FBXW7: variants seen among roughly 807,000 people sequenced by gnomAD.
FBXW7 encodes F-box/WD repeat-containing protein 7.
FBXW7 carries 11 observed loss-of-function variants against 86.3 expected under a neutral mutation model. The ratio of observed to expected loss-of-function variants is 0.13; its 90% CI spans 0.08 to 0.21. The LOEUF is 0.21. FBXW7 is among the 10% of genes least tolerant of loss of function. The probability of loss-of-function intolerance (pLI) is 1.00; values close to 1 mark genes in which losing one functional copy is unlikely to be tolerated. For synonymous variants in FBXW7, 313 were observed against 297.9 expected (o/e 1.05, Z -0.52); for missense variants, 488 against 847.4 (o/e 0.58, Z 5.27).
At position 152,535,672 on chromosome 4, in the gene FBXW7, C is replaced by G; in HGVS notation, c.-758G>C. ...GTCGCTGCGGCTGGGACCCCCCTCC[C>G]TACACCTTGGGGGTCTCGCCCCACG... On this transcript the variant is annotated 5_prime_UTR_variant, in exon 1 of 14. Coordinates refer to ENST00000281708, the MANE Select transcript of FBXW7 (RefSeq NM_001349798.2). 5.0e-6 allele frequency: 2 copies of G among 396,512 alleles called. No homozygotes were observed. The highest frequency in any genetic ancestry group is 8.9e-6 in the Non-Finnish European group (2 of 224,588). The allele number at this position is 396,512 out of a possible 1,614,324, so 24.6% of individuals were successfully genotyped here. A position where few individuals can be genotyped will look rare whatever the true frequency, so the allele number is the denominator to read the frequency against.
At chr4:152,427,739 T>C (rs1292021668) in intron 2 of FBXW7, among the ~76,000 whole-genome samples, 1 of 152,246 alleles carries the variant, frequency 6.6e-6, no homozygotes, top group Non-Finnish European at 1.5e-5. Context: ...GTGAGTTCTA[T>C]CTGTTGAGAC....
At chr4:152,391,122 T>C (rs1317380638) in intron 4 of FBXW7, among the ~76,000 whole-genome samples, 4 of 152,084 alleles carry the variant, frequency 2.6e-5, no homozygotes, top group African/African-American at 9.7e-5. Context: ...TTCATTTATA[T>C]AATTTTCAGT....
chr4:152,415,825 A>G (rs1487673985), intron 2 of FBXW7, among the ~76,000 whole-genome samples: 5 of 152,014 alleles, frequency 3.3e-5, no homozygotes, highest in African/African-American at 1.2e-4. Flanking sequence ...TCTTTGTGCT[A>G]GCTATTCCTC....
At chr4:152,358,847 A>G (rs756298415) in intron 4 of FBXW7, among the ~76,000 whole-genome samples, 7 of 152,182 alleles carry the variant, frequency 4.6e-5, no homozygotes, top group Non-Finnish European at 1.0e-4. Flanking sequence ...AACAGGTGGG[A>G]AAAGTAGGTA....
intron 2 of FBXW7, among the ~76,000 whole-genome samples, chr4:152,532,745 C>G (rs1443930627): frequency 6.6e-6 from 1 of 152,130 alleles, no homozygotes; most frequent in Non-Finnish European, 1.5e-5. Context: ...CCAGTGCGGT[C>G]TTAGATAAAT....
intron 2 of FBXW7, among the ~76,000 whole-genome samples, chr4:152,475,183 G>A (rs1744284906): frequency 6.6e-6 from 1 of 151,486 alleles, no homozygotes; most frequent in Non-Finnish European, 1.5e-5. Flanking sequence ...GCTAATGCCT[G>A]TAATCCCAGT....
intron 4 of FBXW7, among the ~76,000 whole-genome samples, chr4:152,376,974 T>A (rs1734597037): frequency 6.6e-6 from 1 of 151,958 alleles, no homozygotes; most frequent in East Asian, 1.9e-4. Flanking sequence ...ACACAAAAAA[T>A]TTTAAATTTA....
chr4:152,354,844 A>G (rs2126673617), intron 4 of FBXW7, among the ~76,000 whole-genome samples: 1 of 152,244 alleles, frequency 6.6e-6, no homozygotes, highest in East Asian at 1.9e-4. Context: ...AAAATGATAT[A>G]CAAAAAATTC....
intron 12 of FBXW7, chr4:152,324,675 G>C (rs1052682604): frequency 1.5e-5 from 5 of 343,336 alleles, no homozygotes; most frequent in Admixed American, 4.6e-5. Context: ...CACCTAAAAT[G>C]AACAATATGT....
intron 4 of FBXW7, among the ~76,000 whole-genome samples, chr4:152,396,346 T>C (rs1465764624): frequency 6.6e-6 from 1 of 152,104 alleles, no homozygotes; most frequent in South Asian, 2.1e-4. Flanking sequence ...AATATATGCA[T>C]TTAGCATAGT....
intron 2 of FBXW7, among the ~76,000 whole-genome samples, chr4:152,510,777 C>T (rs920770633): frequency 1.4e-4 from 21 of 152,184 alleles, no homozygotes; most frequent in African/African-American, 4.6e-4. Flanking sequence ...GCTAACCTCA[C>T]GACATCCTTC....
intron 2 of FBXW7, among the ~76,000 whole-genome samples, chr4:152,524,820 G>A (rs73863129): frequency 1.5e-4 from 23 of 152,100 alleles, no homozygotes; most frequent in African/African-American, 4.3e-4. Flanking sequence ...GTATTTATCC[G>A]CAGGGGGGAA....
At chr4:152,525,867 T>C (rs1156422218) in intron 2 of FBXW7, among the ~76,000 whole-genome samples, 4 of 152,222 alleles carry the variant, frequency 2.6e-5, no homozygotes, top group Non-Finnish European at 4.4e-5. Flanking sequence ...GTTAGCTCTT[T>C]AAGGAATCGC....
At chr4:152,352,374 G>C (rs904540526) in intron 4 of FBXW7, 2 of 1,488,058 alleles carry the variant, frequency 1.3e-6, no homozygotes, top group Admixed American at 1.9e-5. Flanking sequence ...ACCAAAATTA[G>C]AGGATACTGC....
At chr4:152,440,783 C>T (rs375708716) in intron 2 of FBXW7, among the ~76,000 whole-genome samples, 151 of 152,210 alleles carry the variant, frequency 9.9e-4, no homozygotes, top group African/African-American at 3.5e-3. Flanking sequence ...CATCCCACTC[C>T]CTGCTCCAAA....
intron 2 of FBXW7, among the ~76,000 whole-genome samples, chr4:152,415,036 T>C (rs1254498715): frequency 6.6e-6 from 1 of 152,118 alleles, no homozygotes; most frequent in Non-Finnish European, 1.5e-5. Context: ...CTCAATAACC[T>C]TGTTTTTCAA....
chr4:152,325,243 C>T (rs1207759529), intron 12 of FBXW7: 1 of 152,044 alleles, frequency 6.6e-6, no homozygotes, highest in Non-Finnish European at 1.5e-5. Context: ...GGACAATATC[C>T]CTTTGACAAA....
intron 4 of FBXW7, among the ~76,000 whole-genome samples, chr4:152,385,859 A>G (rs1203007759): frequency 2.0e-5 from 3 of 152,058 alleles, no homozygotes; most frequent in Non-Finnish European, 4.4e-5. Flanking sequence ...ATATTTTTGG[A>G]AAAAGAAGAC....
intron 2 of FBXW7, among the ~76,000 whole-genome samples, chr4:152,465,592 C>A (rs1192580525): frequency 6.6e-6 from 1 of 152,084 alleles, no homozygotes. Flanking sequence ...TGCCTGCAAT[C>A]CCAGCACTTT....
Sources: gnomAD v4.1 joint callset for allele counts (sites outside exome capture counted in the v4.1 genomes callset) on GRCh38, gnomAD v4.1.1 for gene constraint, MANE v1.5 for transcripts, NCBI Gene and HGNC (gene_info 2026-07-23, HGNC 2026-07-21) for gene names.